Variants in LRFN5 observed in about 807,000 individuals in gnomAD.
LRFN5 encodes leucine-rich repeat and fibronectin type-III domain-containing protein 5.
Under a neutral mutation model 45.6 loss-of-function variants are expected in LRFN5, and 24 were observed. The ratio of observed to expected loss-of-function variants is 0.53; its 90% CI spans 0.38 to 0.74. LRFN5 has a LOEUF of 0.74. LRFN5 is among the 30% of genes least tolerant of loss of function. The pLI is 0.00. For missense variants in LRFN5, 776 were observed against 861.5 expected (o/e 0.90, Z 1.24); for synonymous variants, 340 against 313.8 (o/e 1.08, Z -0.88).
intron 1 of LRFN5, among the ~76,000 whole-genome samples, chr14:41,661,094 G>T (rs915530687): frequency 6.6e-6 from 1 of 150,980 alleles, no homozygotes; most frequent in Non-Finnish European, 1.5e-5. Flanking sequence ...TATAGTACTA[G>T]TTCTTTCAAC....
chr14:41,860,585 A>G (rs1210673803), intron 2 of LRFN5, among the ~76,000 whole-genome samples: 2 of 152,218 alleles, frequency 1.3e-5, no homozygotes, highest in Non-Finnish European at 2.9e-5. Flanking sequence ...CTTCTATGTT[A>G]TATTTAACCA....
chr14:41,887,719 A>C lies in LRFN5; in HGVS notation c.1094A>C (p.Glu365Ala). 1 of 1,614,118 alleles carries C rather than the reference A, an allele frequency of 6.2e-7. No homozygotes were observed. The change falls in exon 3 of 6, where the codon GAA becomes GCA. Residue 365 changes from glutamate to alanine, a missense_variant. Physicochemically the swap from Glu to Ala is moderately radical, Grantham distance 107. This residue lies in a region of LRFN5 where 465 missense variants were observed against 456.4 expected (regional missense o/e 1.02). Coordinates refer to ENST00000298119, the MANE Select transcript of LRFN5 (RefSeq NM_152447.5). The surrounding 1 kb of genome is among the most constrained non-coding windows in gnomAD (Gnocchi z 4.8). ...FTCIASNPAGEATQIVDLHII... is the reference protein window; with the variant it reads ...FTCIASNPAGAATQIVDLHII... ...TGCATTGCTTCCAATCCTGCTGGGG[A>C]AGCAACACAAATAGTGGATCTTCAT...
intron 2 of LRFN5, among the ~76,000 whole-genome samples, chr14:41,786,249 A>G (rs1202322187): frequency 2.0e-5 from 3 of 152,114 alleles, no homozygotes; most frequent in Non-Finnish European, 4.4e-5. Flanking sequence ...ACTTCGTTCT[A>G]TCTAGTTTCA....
rs561674124 is a variant in LRFN5, at chr14:41,635,130, C to T, written c.-197+26568C>T. Among the ~76,000 whole-genome samples, 16 of 152,014 alleles carry T rather than the reference C, an allele frequency of 1.1e-4. No homozygotes were observed. In the South Asian group the frequency reaches 3.3e-3, roughly 32 times the overall value. Reference sequence around the variant, plus strand: ...TGTTGATATTTTTATAATTTTAGAACTTAGAGAAACATCATTTTTGATTTA... The same window carrying T: ...TGTTGATATTTTTATAATTTTAGAATTTAGAGAAACATCATTTTTGATTTA... On this transcript the variant is annotated intron_variant, in intron 1 of 5. Coordinates refer to ENST00000298119, the MANE Select transcript of LRFN5 (RefSeq NM_152447.5).
At chr14:41,735,429 C>T (rs79940862) in intron 1 of LRFN5, among the ~76,000 whole-genome samples, 9 of 151,806 alleles carry the variant, frequency 5.9e-5, no homozygotes, top group East Asian at 3.9e-4. Context: ...AACCATACCC[C>T]GCTAATCTTT....
chr14:41,667,864 A>G (rs902947012), intron 1 of LRFN5, among the ~76,000 whole-genome samples: 33 of 152,134 alleles, frequency 2.2e-4, no homozygotes, highest in African/African-American at 6.8e-4. Flanking sequence ...ATAATTAGTT[A>G]TTTGTGATTC....
At chr14:41,886,494 A>G in intron 2 of LRFN5, 112 bp from the exon 3 acceptor site, 1 of 732,434 alleles carries the variant, frequency 1.4e-6, no homozygotes, top group Non-Finnish European at 2.1e-6. Flanking sequence ...TTAAGCAAAC[A>G]AGTGAAATTA....
chr14:41,875,204 C>A (rs567331992), intron 2 of LRFN5, among the ~76,000 whole-genome samples: 1 of 152,240 alleles, frequency 6.6e-6, no homozygotes, highest in Non-Finnish European at 1.5e-5. Context: ...ACATCACTCC[C>A]CTTTCCCAGA....
intron 1 of LRFN5, among the ~76,000 whole-genome samples, chr14:41,720,033 T>C (rs1883651725): frequency 6.6e-6 from 1 of 152,054 alleles, no homozygotes; most frequent in Non-Finnish European, 1.5e-5. Context: ...TATGAGTATA[T>C]CGTGTGTTGC....
rs181990306 is a variant in LRFN5 at position 41,631,373 on chromosome 14, G to C, written c.-197+22811G>C. On this transcript the variant is annotated intron_variant, in intron 1 of 5. Coordinates refer to ENST00000298119, the MANE Select transcript of LRFN5 (RefSeq NM_152447.5). The stretch of plus-strand genomic sequence containing the variant: ...GAACCTATCTCAGAAAACCATGTCT[G>C]TGAGAAGCCTCTCCTGATTTATTTA... 3.4e-3 allele frequency among the ~76,000 whole-genome samples: 517 copies of C among 152,128 alleles called. 3 individuals are homozygous for C. The highest frequency in any genetic ancestry group is 6.8e-3 in the Middle Eastern group (2 of 294).
At chr14:41,643,711 C>CCACACA (rs149767883) in intron 1 of LRFN5, among the ~76,000 whole-genome samples, 16 of 149,542 alleles carry the variant, frequency 1.1e-4, no homozygotes, top group African/African-American at 3.9e-4. Context: ...CATAAACACA[C>CCACACA]CACACACACA....
At chr14:41,761,683 G>GA (rs1048732196) in intron 1 of LRFN5, among the ~76,000 whole-genome samples, 1 of 151,430 alleles carries the variant, frequency 6.6e-6, no homozygotes, top group African/African-American at 2.4e-5. Context: ...TGTCTTCAGG[G>GA]AAAAAAAAGT....
intron 1 of LRFN5, among the ~76,000 whole-genome samples, chr14:41,613,198 G>C (rs892736133): frequency 3.3e-5 from 5 of 152,028 alleles, no homozygotes; most frequent in African/African-American, 4.8e-5. Context: ...TAAGTTACAT[G>C]GTCATATTGG....
At chr14:41,781,627 AAAGAAAGG>A (rs1594703537) in intron 2 of LRFN5, among the ~76,000 whole-genome samples, 2 of 147,910 alleles carry the variant, frequency 1.4e-5, no homozygotes, top group African/African-American at 5.0e-5. Context: ...AGAAAGAAAG[AAAGAAAGG>A]AAAGAAAGAA....
At chr14:41,796,685 C>G (rs1887143442) in intron 2 of LRFN5, among the ~76,000 whole-genome samples, 2 of 151,776 alleles carry the variant, frequency 1.3e-5, no homozygotes, top group Admixed American at 6.6e-5. Flanking sequence ...TTCTATAAAA[C>G]TACATATTAT....
rs111434182 is a variant in LRFN5, at chr14:41,886,975, A to G, written c.350A>G (p.Asp117Gly). The change falls in exon 3 of 6, where the codon GAT becomes GGT. Residue 117 changes from aspartate (D) to glycine (G), a missense_variant. This residue lies in a region of LRFN5 where 311 missense variants were observed against 405.1 expected (regional missense o/e 0.77). Transcript: ENST00000298119. ...AACAGATTGACTAAAATTACAAATG[A>G]TATGTTCAGTGGTCTTTCCAATCTT... ...NSNRLTKITN[D>G]MFSGLSNLHH... 9 of 1,614,086 alleles carry G rather than the reference A, an allele frequency of 5.6e-6. No homozygotes were observed. The highest frequency in any genetic ancestry group is 4.0e-5 in the African/African-American group (3 of 74,940).
intron 1 of LRFN5, among the ~76,000 whole-genome samples, chr14:41,627,026 C>G (rs1013392995): frequency 1.1e-4 from 16 of 152,054 alleles, no homozygotes; most frequent in Non-Finnish European, 4.4e-5. Context: ...CATATCTTTG[C>G]TCTGTACATT....
intron 1 of LRFN5, among the ~76,000 whole-genome samples, chr14:41,710,963 G>T (rs1397698267): frequency 2.2e-5 from 3 of 138,094 alleles, no homozygotes; most frequent in Non-Finnish European, 4.9e-5. Flanking sequence ...TGGCTGCATA[G>T]TATTCCATGG....
chr14:41,720,263 A>T (rs1057488849), intron 1 of LRFN5, among the ~76,000 whole-genome samples: 15 of 152,084 alleles, frequency 9.9e-5, no homozygotes, highest in South Asian at 2.1e-4. Context: ...GCCACAAAAG[A>T]CATGATTTCA....
Sources: allele counts gnomAD v4.1 joint callset (sites outside exome capture counted in the v4.1 genomes callset), GRCh38; gene constraint gnomAD v4.1.1; regional missense constraint gnomAD v4.1.1; non-coding constraint Gnocchi (gnomAD v3.1); transcripts MANE v1.5; gene names NCBI Gene and HGNC (gene_info 2026-07-23, HGNC 2026-07-21).